SYN3: variants seen among roughly 807,000 people sequenced by gnomAD.
SYN3 encodes the protein synapsin III, also known as synapsin-3.
A neutral mutation model predicts 65.8 loss-of-function variants in SYN3; 35 were observed. That is an observed-to-expected ratio of 0.53 (90% CI 0.41 to 0.70). The LOEUF is 0.70. Among genes scored for constraint, SYN3 ranks in the 30% least tolerant of loss-of-function variants. The probability of loss-of-function intolerance (pLI) is 0.00; values close to 1 mark genes in which losing one functional copy is unlikely to be tolerated. For missense variants in SYN3, 680 were observed against 749.0 expected (o/e 0.91, Z 1.08); for synonymous variants, 270 against 292.9 (o/e 0.92, Z 0.80).
In SYN3 at chr22:32,825,968, T is replaced by A. The variant is rs1331806005; in HGVS notation, c.711+38947A>T. Among the ~76,000 whole-genome samples, 5 of 152,210 alleles carry A rather than the reference T, an allele frequency of 3.3e-5. No individual in the cohort carries two copies. The East Asian group carries it at 9.6e-4, about 29-fold the overall frequency. On this transcript the variant is annotated intron_variant, in intron 6 of 13. Coordinates refer to ENST00000358763, the MANE Select transcript of SYN3 (RefSeq NM_003490.4). ...AGCAGGGGACGTATCCACAAGTTTA[T>A]AGTAGCATAGGGAAAAGTCTTGAAG...
At chr22:32,861,716 A>C (rs1216462546) in intron 6 of SYN3, 2 of 152,144 alleles carry the variant, frequency 1.3e-5, no homozygotes, top group East Asian at 3.9e-4. Context: ...CTGGGCAAAG[A>C]AGGGTCTTTC....
chr22:32,545,338 T>C (rs541495979), intron 7 of SYN3, among the ~76,000 whole-genome samples: 2 of 152,346 alleles, frequency 1.3e-5, no homozygotes, highest in Admixed American at 1.3e-4. Flanking sequence ...TTATCCCAAT[T>C]ATTATACAAG....
intron 4 of SYN3, among the ~76,000 whole-genome samples, chr22:32,871,614 T>C (rs986767328): frequency 6.6e-6 from 1 of 151,860 alleles, no homozygotes; most frequent in Non-Finnish European, 1.5e-5. Context: ...TTTTTTAAAT[T>C]ATTATTTTTT....
In SYN3 at chr22:32,653,467, G is replaced by C. The variant is rs145308871; in HGVS notation, c.712-56731C>G. On this transcript the variant is annotated intron_variant, in intron 6 of 13. Transcript: ENST00000358763. ...GTTTACAAGAAAAGCATGAAAAGGA[G>C]GTTAGAAAACAAGGTAAGAAAAAAA... is the stretch of plus-strand genomic sequence containing the variant. 5.3e-4 allele frequency among the ~76,000 whole-genome samples: 81 copies of C among 152,292 alleles called. No homozygotes were observed. The East Asian group carries it at 0.015, about 29-fold the overall frequency.
intron 3 of SYN3, among the ~76,000 whole-genome samples, chr22:32,939,583 A>G (rs2050879130): frequency 6.6e-6 from 1 of 152,164 alleles, no homozygotes; most frequent in Non-Finnish European, 1.5e-5. Flanking sequence ...TTAGTTTTAC[A>G]TGTTCGTGAA....
intron 4 of SYN3, among the ~76,000 whole-genome samples, chr22:32,921,179 C>T (rs1356927804): frequency 1.3e-5 from 2 of 152,136 alleles, no homozygotes; most frequent in East Asian, 1.9e-4. Context: ...CTGTCTGATA[C>T]AATACCCAAT....
chr22:32,685,530 G>GAT (rs1195262459), intron 6 of SYN3, among the ~76,000 whole-genome samples: 3 of 152,250 alleles, frequency 2.0e-5, no homozygotes, highest in Admixed American at 6.5e-5. Flanking sequence ...TCTATGTTTA[G>GAT]ATACACAAAT....
intron 7 of SYN3, among the ~76,000 whole-genome samples, chr22:32,553,442 G>A (rs1302871406): frequency 6.6e-6 from 1 of 152,124 alleles, no homozygotes; most frequent in Non-Finnish European, 1.5e-5. Context: ...CAAGCCTCCT[G>A]GTGATAAGAT....
At chr22:32,635,102 G>A (rs925711588) in intron 6 of SYN3, 4 of 151,990 alleles carry the variant, frequency 2.6e-5, no homozygotes, top group African/African-American at 9.7e-5. Flanking sequence ...GTTGTATATC[G>A]GTCTACATCT....
At chr22:32,732,775 C>T (rs3788492) in intron 6 of SYN3, among the ~76,000 whole-genome samples, 69,417 of 152,030 alleles carry the variant, frequency 0.46, 16,100 homozygotes, top group African/African-American at 0.55. Flanking sequence ...CTTCACCAGA[C>T]GTACTTAGAA....
At chr22:32,847,601 G>A (rs2048104458) in intron 6 of SYN3, among the ~76,000 whole-genome samples, 1 of 152,134 alleles carries the variant, frequency 6.6e-6, no homozygotes, top group African/African-American at 2.4e-5. Context: ...TCTTAGTAAA[G>A]ATTTTTTAAA....
intron 6 of SYN3, among the ~76,000 whole-genome samples, chr22:32,790,151 G>A (rs2046288286): frequency 6.6e-6 from 1 of 152,198 alleles, no homozygotes; most frequent in South Asian, 2.1e-4. Flanking sequence ...ACAGTACAAA[G>A]AGCCCTCATT....
chr22:32,778,316 A>C (rs1426107332), intron 6 of SYN3, among the ~76,000 whole-genome samples: 1 of 151,688 alleles, frequency 6.6e-6, no homozygotes, highest in Non-Finnish European at 1.5e-5. Context: ...TTGAGACAGA[A>C]TCTCACCCTG....
intron 6 of SYN3, among the ~76,000 whole-genome samples, chr22:32,674,360 C>T (rs1015424075): frequency 1.3e-5 from 2 of 152,156 alleles, no homozygotes; most frequent in Non-Finnish European, 2.9e-5. Context: ...AAAGACTGGA[C>T]TCTGGCCTGC....
intron 6 of SYN3, among the ~76,000 whole-genome samples, chr22:32,624,071 G>T (rs1212277823): frequency 6.6e-6 from 1 of 152,248 alleles, no homozygotes; most frequent in African/African-American, 2.4e-5. Context: ...CCCTTGCCAA[G>T]ATCAACTGTT....
chr22:32,632,261 A>G (rs571295262), intron 6 of SYN3, among the ~76,000 whole-genome samples: 1 of 152,324 alleles, frequency 6.6e-6, no homozygotes, highest in African/African-American at 2.4e-5. Flanking sequence ...TGTTAGGAAA[A>G]GAGACTTGAA....
At chr22:32,774,577 C>T (rs2045861077) in intron 6 of SYN3, among the ~76,000 whole-genome samples, 1 of 149,838 alleles carries the variant, frequency 6.7e-6, no homozygotes, top group African/African-American at 2.5e-5. Flanking sequence ...TCACCCTCTC[C>T]TCTGTTTTAA....
chr22:32,770,476 C>T (rs897038802), intron 6 of SYN3, among the ~76,000 whole-genome samples: 3 of 152,158 alleles, frequency 2.0e-5, no homozygotes, highest in Non-Finnish European at 4.4e-5. Flanking sequence ...CTCCTCGTCA[C>T]TCTCTCTGCT....
At chr22:33,035,955 C>T (rs938205001) in intron 1 of SYN3, among the ~76,000 whole-genome samples, 50 of 152,164 alleles carry the variant, frequency 3.3e-4, no homozygotes, top group African/African-American at 1.2e-3. Context: ...AGGTCCAGGA[C>T]AAAGTCAAGA....
Sources: allele counts gnomAD v4.1 joint callset (sites outside exome capture counted in the v4.1 genomes callset), GRCh38; gene constraint gnomAD v4.1.1; transcripts MANE v1.5; gene names NCBI Gene and HGNC (gene_info 2026-07-23, HGNC 2026-07-21).